NR2C1: variants seen among roughly 807,000 people sequenced by gnomAD.
NR2C1 encodes nuclear receptor subfamily 2 group C member 1, also known as TR2 nuclear hormone receptor.
NR2C1 carries 33 observed loss-of-function variants against 74.8 expected under a neutral mutation model. The ratio of observed to expected loss-of-function variants is 0.44; its 90% CI spans 0.33 to 0.59. The LOEUF (loss-of-function observed/expected upper bound fraction) is 0.59, where lower values mean the gene tolerates loss of function less well. Ranked by LOEUF, NR2C1 falls within the 20% of genes least tolerant of loss-of-function variation. The pLI, the probability that NR2C1 is intolerant of heterozygous loss-of-function variation, is 0.02. For missense variants in NR2C1, 568 were observed against 715.6 expected (o/e 0.79, Z 2.35); for synonymous variants, 225 against 240.6 (o/e 0.94, Z 0.60).
At chr12:95,045,747 C>T (rs1167637085) in intron 9 of NR2C1, among the ~76,000 whole-genome samples, 1 of 152,020 alleles carries the variant, frequency 6.6e-6, no homozygotes, top group Non-Finnish European at 1.5e-5. Context: ...ATATGATCTA[C>T]CATATTCTTA....
At chr12:95,045,512 A>G (rs1872200286) in intron 9 of NR2C1, among the ~76,000 whole-genome samples, 1 of 152,192 alleles carries the variant, frequency 6.6e-6, no homozygotes, top group Non-Finnish European at 1.5e-5. Flanking sequence ...AAATATGGTG[A>G]AGGAAATGAA....
intron 7 of NR2C1, among the ~76,000 whole-genome samples, chr12:95,053,308 T>C (rs7973377): frequency 2.0e-5 from 3 of 152,066 alleles, no homozygotes; most frequent in African/African-American, 7.2e-5. Context: ...TGAAAATGTG[T>C]ATATTACTTG....
chr12:95,042,961 A>G (rs951361915), intron 9 of NR2C1, among the ~76,000 whole-genome samples: 163 of 151,086 alleles, frequency 1.1e-3, no homozygotes, highest in African/African-American at 3.9e-3. Flanking sequence ...ACCGACACAC[A>G]AAACAAAAAA....
intron 13 of NR2C1, among the ~76,000 whole-genome samples, chr12:95,022,808 C>T (rs1385743065): frequency 6.6e-6 from 1 of 151,908 alleles, no homozygotes; most frequent in Non-Finnish European, 1.5e-5. Flanking sequence ...ATCCTTCCCG[C>T]CTCAGCCTCC....
intron 10 of NR2C1, among the ~76,000 whole-genome samples, chr12:95,033,455 C>G (rs1266388982): frequency 6.6e-6 from 1 of 152,026 alleles, no homozygotes; most frequent in South Asian, 2.1e-4. Flanking sequence ...AACCAAAAAT[C>G]AGATCTAGGG....
intron 7 of NR2C1, among the ~76,000 whole-genome samples, chr12:95,055,746 G>A (rs61938162): frequency 0.013 from 2,000 of 152,104 alleles, 27 homozygotes; most frequent in South Asian, 0.047. Context: ...GAGGTCAGGC[G>A]ATTGAGACCA....
rs1868848839 is a variant in NR2C1, at chr12:95,022,275, A to G, written c.1766T>C (p.Met589Thr). The G allele has an allele frequency of 1.9e-6, 3 of 1,612,466 alleles. No individual in the cohort carries two copies. The highest frequency in any genetic ancestry group is 1.7e-6 in the Non-Finnish European group (2 of 1,179,686). The change falls in exon 14 of 14, where the codon ATG becomes ACG. Residue 589 changes from methionine (M) to threonine (T), a missense_variant. Coordinates refer to ENST00000333003, the MANE Select transcript of NR2C1 (RefSeq NM_003297.4). ...IDSVIPHILK[M>T]EPADYNSQII... ...TTGAGAGTTATAATCTGCAGGCTCC[A>G]TTTTCAAAATATGTGGGATAACACT... is the stretch of plus-strand genomic sequence containing the variant.
rs773192802 is a variant in NR2C1, at chr12:95,059,987, A to T, written c.286-3T>A. 9 of 103,710 alleles carry T rather than the reference A, an allele frequency of 8.7e-5. No homozygotes were observed. Among genetic ancestry groups the T allele is most frequent in the East Asian group, 6.1e-4 (2 of 3,254 alleles). 6.4% of individuals were successfully genotyped at this position (103,710 alleles called of 1,614,324 possible). A position where few individuals can be genotyped will look rare whatever the true frequency, so the allele number is the denominator to read the frequency against. ...TCTGGAGAATTATCTGTTAGGAGCTAAAAAAAAAAAAAAAAAAAAAGAAAA... is the reference window on the plus strand; with the variant it reads ...TCTGGAGAATTATCTGTTAGGAGCTTAAAAAAAAAAAAAAAAAAAAGAAAA... On this transcript the variant is annotated splice_polypyrimidine_tract_variant and splice_region_variant and intron_variant, in intron 3 of 13. Coordinates refer to ENST00000333003, the MANE Select transcript of NR2C1 (RefSeq NM_003297.4).
At chr12:95,050,259 A>G (rs922710964) in intron 8 of NR2C1, among the ~76,000 whole-genome samples, 1 of 152,198 alleles carries the variant, frequency 6.6e-6, no homozygotes, top group African/African-American at 2.4e-5. Flanking sequence ...CATGTTCAAC[A>G]AAGTATTACT....
intron 7 of NR2C1, among the ~76,000 whole-genome samples, chr12:95,057,098 ATTTTTT>A (rs1184465413): frequency 7.0e-4 from 78 of 111,540 alleles, no homozygotes; most frequent in African/African-American, 2.5e-3. Flanking sequence ...AACATTTCTG[ATTTTTT>A]TTTTTTTTTT....
rs752310809 is a variant in NR2C1, at chr12:95,057,871, T to C, written c.552A>G (p.Gln184=). 1.0e-4 allele frequency: 163 copies of C among 1,612,760 alleles called. No individual in the cohort carries two copies. Among genetic ancestry groups the C allele is most frequent in the Non-Finnish European group, 1.3e-4 (149 of 1,179,176 alleles). ...IAFGMKQDSV[Q]CERKPIEVSR... The stretch of plus-strand genomic sequence containing the variant: ...ATACTTCAATGGGTTTTCTTTCACA[T>C]TGGACAGCTACAAAAATGTGTTAAA... The change falls in exon 6 of 14, where the codon CAA becomes CAG. Residue 184 remains glutamine, a synonymous_variant. Transcript: ENST00000333003.
chr12:95,039,440 G>A (rs1871238380), intron 10 of NR2C1, among the ~76,000 whole-genome samples: 1 of 152,176 alleles, frequency 6.6e-6, no homozygotes, highest in Non-Finnish European at 1.5e-5. Flanking sequence ...GGTCCTAGGA[G>A]TTGAATAAAA....
intron 8 of NR2C1, among the ~76,000 whole-genome samples, chr12:95,049,879 C>G (rs569434566): frequency 6.6e-6 from 1 of 152,196 alleles, no homozygotes; most frequent in South Asian, 2.1e-4. Context: ...CACTGTAATC[C>G]TGAACTCCTG....
chr12:95,070,033 G>T (rs769730886), intron 1 of NR2C1, among the ~76,000 whole-genome samples: 1 of 152,206 alleles, frequency 6.6e-6, no homozygotes, highest in African/African-American at 2.4e-5. Flanking sequence ...AGCAGTGTCT[G>T]TTTTCTTCCC....
intron 10 of NR2C1, among the ~76,000 whole-genome samples, chr12:95,035,467 A>G (rs532995901): frequency 8.7e-5 from 13 of 149,876 alleles, no homozygotes; most frequent in African/African-American, 3.1e-4. Context: ...AAATAAATGG[A>G]AAAAAATCAG....
chr12:95,031,341 CT>C lies in NR2C1; in HGVS notation c.1393+7del. The C allele has an allele frequency of 6.4e-7, 1 of 1,574,134 alleles. No homozygotes were observed. Among genetic ancestry groups the C allele is most frequent in the South Asian group, 1.2e-5 (1 of 82,886 alleles). The stretch of plus-strand genomic sequence containing the variant: ...CAACCTGGAAAAGGTAAGGAAGGTG[CT>C]TTTTACCTTGTTGAAGACTATTGTG... On this transcript the variant is annotated splice_region_variant and intron_variant, in intron 11 of 13. Transcript: ENST00000333003.
chr12:95,024,598 T>C (rs1478594567), intron 13 of NR2C1, among the ~76,000 whole-genome samples: 2 of 152,122 alleles, frequency 1.3e-5, no homozygotes, highest in Non-Finnish European at 2.9e-5. Flanking sequence ...GTATTTGTTT[T>C]TATTTTTTAA....
At chr12:95,068,030 C>T (rs913586423) in intron 1 of NR2C1, among the ~76,000 whole-genome samples, 5 of 152,012 alleles carry the variant, frequency 3.3e-5, no homozygotes, top group Middle Eastern at 6.3e-3. Context: ...AGGCACCTGC[C>T]ACCACGCCAG....
At chr12:95,057,980 T>A in intron 5 of NR2C1, 102 bp from the exon 6 acceptor site, 1 of 973,204 alleles carries the variant, frequency 1.0e-6, no homozygotes, top group Non-Finnish European at 1.5e-6. Flanking sequence ...GAGACATGGC[T>A]ACCATACTAA....
Sources: allele counts gnomAD v4.1 joint callset (sites outside exome capture counted in the v4.1 genomes callset), GRCh38; gene constraint gnomAD v4.1.1; transcripts MANE v1.5; gene names NCBI Gene and HGNC (gene_info 2026-07-23, HGNC 2026-07-21).